ADCY8: variants seen among roughly 807,000 people sequenced by gnomAD.
The protein encoded by ADCY8 is adenylate cyclase type 8.
Under a neutral mutation model 119.7 loss-of-function variants are expected in ADCY8, and 51 were observed. The observed-to-expected ratio is 0.43, with a 90% CI of 0.34 to 0.54. ADCY8 has a LOEUF of 0.54. Among genes scored for constraint, ADCY8 ranks in the 20% least tolerant of loss-of-function variants. The pLI is 0.03. For missense variants in ADCY8, 1,383 were observed against 1,598.8 expected, an observed-to-expected ratio of 0.87 and a Z score of 2.30; for synonymous variants, 665 against 651.0, an observed-to-expected ratio of 1.02 and a Z score of -0.33.
chr8:130,841,818 C>T (rs1186761449), intron 11 of ADCY8, among the ~76,000 whole-genome samples: 4 of 152,294 alleles, frequency 2.6e-5, no homozygotes, highest in East Asian at 1.9e-4. Context: ...ATCATCTGGA[C>T]TTATTGCTTT....
chr8:130,989,292 C>G (rs951807774), intron 2 of ADCY8, among the ~76,000 whole-genome samples: 2 of 152,114 alleles, frequency 1.3e-5, no homozygotes, highest in Non-Finnish European at 1.5e-5. Context: ...CAGGTAGGCC[C>G]TACCTGTCTG....
At chr8:130,917,146 G>T (rs1820153749) in intron 5 of ADCY8, among the ~76,000 whole-genome samples, 1 of 152,188 alleles carries the variant, frequency 6.6e-6, no homozygotes. Flanking sequence ...TTAAGATGCG[G>T]TTATTACCTC....
intron 8 of ADCY8, among the ~76,000 whole-genome samples, chr8:130,884,065 T>TA (rs1158124259): frequency 6.6e-6 from 1 of 152,100 alleles, no homozygotes; most frequent in Non-Finnish European, 1.5e-5. Flanking sequence ...TTCTTTCTAC[T>TA]ATGCCTAGGT....
intron 1 of ADCY8, among the ~76,000 whole-genome samples, chr8:131,004,375 C>T (rs1823049295): frequency 6.6e-6 from 1 of 152,274 alleles, no homozygotes; most frequent in South Asian, 2.1e-4. Context: ...TTTGTTGAAG[C>T]CATACCATTT....
chr8:130,833,823 G>A (rs1404590841), intron 12 of ADCY8, among the ~76,000 whole-genome samples: 1 of 152,090 alleles, frequency 6.6e-6, no homozygotes, highest in African/African-American at 2.4e-5. Flanking sequence ...ATTTATATAT[G>A]GAGTCTAAGA....
intron 14 of ADCY8, among the ~76,000 whole-genome samples, chr8:130,811,645 C>T (rs895721670): frequency 6.6e-6 from 1 of 152,214 alleles, no homozygotes; most frequent in Non-Finnish European, 1.5e-5. Flanking sequence ...AAGTTAAATG[C>T]CTCAGCAAGG....
chr8:130,952,600 A>G (rs1339323452), intron 2 of ADCY8, among the ~76,000 whole-genome samples: 2 of 152,224 alleles, frequency 1.3e-5, no homozygotes, highest in Admixed American at 1.3e-4. Flanking sequence ...GTTTAATTCC[A>G]ACTACAACTG....
intron 1 of ADCY8, among the ~76,000 whole-genome samples, chr8:130,992,388 T>TATATTGAGCAACTGTGCCTGGC (rs1421938964): frequency 4.7e-5 from 1 of 21,054 alleles, no homozygotes; most frequent in African/African-American, 2.5e-4. Flanking sequence ...CTGGCATATA[T>TATATTGAGCAACTGTGCCTGGC]ATATATATAT....
intron 12 of ADCY8, among the ~76,000 whole-genome samples, chr8:130,825,360 G>A (rs527450106): frequency 1.3e-4 from 20 of 152,242 alleles, no homozygotes; most frequent in African/African-American, 4.8e-5. Context: ...GTTATACAAC[G>A]CTGAAATGTT....
intron 3 of ADCY8, among the ~76,000 whole-genome samples, chr8:130,947,668 G>A (rs149579700): frequency 2.8e-3 from 426 of 152,296 alleles, no homozygotes; most frequent in Non-Finnish European, 5.0e-3. Flanking sequence ...TAAAAACGAG[G>A]ATTTTTTTGA....
chr8:130,799,135 G>A (rs1020190434), intron 15 of ADCY8, among the ~76,000 whole-genome samples: 2 of 152,100 alleles, frequency 1.3e-5, no homozygotes, highest in African/African-American at 4.8e-5. Context: ...CCTGGGGGGT[G>A]GGGTGGGAAG....
intron 14 of ADCY8, among the ~76,000 whole-genome samples, chr8:130,806,866 G>A (rs1815976154): frequency 2.0e-5 from 3 of 152,114 alleles, no homozygotes; most frequent in Admixed American, 2.0e-4. Context: ...AGAGAGAAGA[G>A]GTGAAGGGAT....
At chr8:131,009,633 G>A (rs898507409) in intron 1 of ADCY8, among the ~76,000 whole-genome samples, 1 of 152,154 alleles carries the variant, frequency 6.6e-6, no homozygotes, top group Non-Finnish European at 1.5e-5. Flanking sequence ...CTTCATATCA[G>A]CATGAGAATG....
At chr8:130,995,308 G>A (rs1490716408) in intron 1 of ADCY8, among the ~76,000 whole-genome samples, 1 of 152,112 alleles carries the variant, frequency 6.6e-6, no homozygotes, top group African/African-American at 2.4e-5. Flanking sequence ...CTTGGGAGAA[G>A]GAAAGAACTA....
chr8:130,869,430 T>A (rs73344586), intron 8 of ADCY8, among the ~76,000 whole-genome samples: 7,758 of 152,070 alleles, frequency 0.051, 637 homozygotes, highest in African/African-American at 0.17. Flanking sequence ...AAGATAAATG[T>A]TTGAATTCCT....
intron 15 of ADCY8, among the ~76,000 whole-genome samples, chr8:130,790,918 T>G (rs1228373128): frequency 6.6e-6 from 1 of 152,180 alleles, no homozygotes; most frequent in East Asian, 1.9e-4. Context: ...TCCTTTGAAT[T>G]TCCCCAGAGT....
At chr8:130,816,683 C>T (rs1184529676) in intron 13 of ADCY8, among the ~76,000 whole-genome samples, 1 of 152,018 alleles carries the variant, frequency 6.6e-6, no homozygotes, top group Non-Finnish European at 1.5e-5. Context: ...CCTCTGCCTC[C>T]CAAAGTGCTG....
intron 8 of ADCY8, among the ~76,000 whole-genome samples, chr8:130,873,509 G>A (rs1471050254): frequency 3.3e-5 from 5 of 151,962 alleles, no homozygotes; most frequent in African/African-American, 9.7e-5. Context: ...TAGTAGAGAC[G>A]GGGTTTCTCC....
chr8:130,821,393 T>A lies in ADCY8; in HGVS notation c.2703A>T (p.Ser901=), dbSNP rs1344610864. The A allele has an allele frequency of 1.9e-6, 3 of 1,613,402 alleles. No individual in the cohort carries two copies. The highest frequency in any genetic ancestry group is 2.5e-6 in the Non-Finnish European group (3 of 1,179,542). ...GGAGGAACATGGCCATCAGTAGCAG[T>A]GATACCTCCTTGGTCCCCAGGAAAT... ...GEDFLGTKEV[S]LLLMAMFLLA... Residue 901 remains serine, a synonymous_variant, in exon 13 of 18, where the codon TCA becomes TCT. Coordinates refer to ENST00000286355, the MANE Select transcript of ADCY8 (RefSeq NM_001115.3).
Sources: allele counts gnomAD v4.1 joint callset (sites outside exome capture counted in the v4.1 genomes callset), GRCh38; gene constraint gnomAD v4.1.1; transcripts MANE v1.5; gene names NCBI Gene and HGNC (gene_info 2026-07-23, HGNC 2026-07-21).